The following ADARB2 variants were observed in gnomAD, a reference collection of about 807,000 sequenced individuals.
ADARB2 encodes adenosine deaminase RNA specific B2 (inactive).
Under a neutral mutation model 62.2 loss-of-function variants are expected in ADARB2, and 25 were observed. The ratio of observed to expected loss-of-function variants is 0.40; its 90% CI spans 0.29 to 0.56. ADARB2 has a LOEUF of 0.56. Ranked by LOEUF, ADARB2 falls within the 20% of genes least tolerant of loss-of-function variation. The pLI, the probability that ADARB2 is intolerant of heterozygous loss-of-function variation, is 0.43. For missense variants in ADARB2, 1,071 were observed against 1,077.4 expected (o/e 0.99, Z 0.08); for synonymous variants, 572 against 500.8 (o/e 1.14, Z -1.90).
intron 1 of ADARB2, among the ~76,000 whole-genome samples, chr10:1,662,450 C>T (rs977433895): frequency 3.9e-5 from 6 of 152,198 alleles, no homozygotes; most frequent in Admixed American, 3.9e-4. Flanking sequence ...GACCTGCCTG[C>T]TCTTGGTTCC....
intron 1 of ADARB2, among the ~76,000 whole-genome samples, chr10:1,590,874 G>A (rs1192216011): frequency 6.6e-6 from 1 of 152,144 alleles, no homozygotes; most frequent in South Asian, 2.1e-4. Context: ...TGCTGCAGGA[G>A]CTGTGATGAG....
chr10:1,492,944 C>A (rs969622616), intron 1 of ADARB2, among the ~76,000 whole-genome samples: 1 of 152,156 alleles, frequency 6.6e-6, no homozygotes, highest in Non-Finnish European at 1.5e-5. Flanking sequence ...AGCATCTAAT[C>A]CCCACGCACT....
rs148852353 is a variant in ADARB2, at chr10:1,184,870, C to T, written c.2034G>A (p.Leu678=). Residue 678 remains leucine (L), a synonymous_variant, in exon 9 of 10, where the codon CTG becomes CTA. Coordinates refer to ENST00000381312, the MANE Select transcript of ADARB2 (RefSeq NM_018702.4). ...KHVLSARWAR[L]YGRLSTRTPS... is the part of the protein sequence containing the mutation. ...GATGGGTGCGACCTACCCTGCCATA[C>T]AGCCGCGCCCACCGTGCAGACAGCA... is the stretch of plus-strand genomic sequence containing the variant. 2 of 1,613,040 alleles carry T rather than the reference C, an allele frequency of 1.2e-6. No individual in the cohort carries two copies. Among genetic ancestry groups the T allele is most frequent in the Non-Finnish European group, 1.7e-6 (2 of 1,179,688 alleles).
Position 1,270,999 on chromosome 10 carries a change from A to G in ADARB2, c.1148T>C (p.Met383Thr), listed in dbSNP as rs762899628. 1.2e-6 allele frequency: 2 copies of G among 1,613,288 alleles called. No individual in the cohort carries two copies. The highest frequency in any genetic ancestry group is 2.2e-5 in the East Asian group (1 of 44,832). The change falls in exon 4 of 10, where the codon ATG (methionine) becomes ACG (threonine). Residue 383 changes from methionine to threonine, a missense_variant. By Grantham distance (81) the Met-to-Thr change is moderately conservative. Coordinates refer to ENST00000381312, the MANE Select transcript of ADARB2 (RefSeq NM_018702.4). ...TGCCAGCGCTTTATGGCGGGCGTGC[A>G]TGGGCGTGAGGTCCGTCGTCACCTC... ...FREVTTDLTP[M>T]HARHKALAGI...
At chr10:1,349,052 C>G (rs564977630) in intron 3 of ADARB2, among the ~76,000 whole-genome samples, 20 of 152,172 alleles carry the variant, frequency 1.3e-4, no homozygotes, top group Non-Finnish European at 2.4e-4. Context: ...CCATCATATC[C>G]CCTGTGACCT....
intron 1 of ADARB2, among the ~76,000 whole-genome samples, chr10:1,672,644 G>C (rs113577718): frequency 7.2e-5 from 4 of 55,656 alleles, no homozygotes; most frequent in South Asian, 7.7e-4. Context: ...CCTCCTCCTT[G>C]CAGGCCCCGC....
chr10:1,681,674 G>A (rs1588350780), intron 1 of ADARB2, among the ~76,000 whole-genome samples: 1 of 152,130 alleles, frequency 6.6e-6, no homozygotes, highest in East Asian at 1.9e-4. Context: ...ATCCTCCAGT[G>A]AGCAGAGCTC....
chr10:1,593,523 G>A lies in ADARB2; in HGVS notation c.100+143528C>T, dbSNP rs148807266. On this transcript the variant is annotated intron_variant, in intron 1 of 9. Coordinates refer to ENST00000381312, the MANE Select transcript of ADARB2 (RefSeq NM_018702.4). ...AGGTGACTGGTAATTAGAAATACAA[G>A]CAATGACAATTTTTTAAAATTTAAA... Among the ~76,000 whole-genome samples the A allele has an allele frequency of 3.6e-3, 543 of 152,344 alleles. 2 individuals carry two copies. The highest frequency in any genetic ancestry group is 0.013 in the African/African-American group (522 of 41,578).
intron 3 of ADARB2, among the ~76,000 whole-genome samples, chr10:1,299,789 G>T (rs1001804070): frequency 6.6e-6 from 1 of 152,188 alleles, no homozygotes; most frequent in Non-Finnish European, 1.5e-5. Flanking sequence ...TTTGGTTTGG[G>T]CTCCTGGGCA....
intron 2 of ADARB2, among the ~76,000 whole-genome samples, chr10:1,376,021 C>T (rs1365374609): frequency 1.3e-5 from 2 of 151,912 alleles, no homozygotes; most frequent in Non-Finnish European, 2.9e-5. Context: ...CGTGAACTCA[C>T]ACACCCCACA....
rs985010473 is a variant in ADARB2, at chr10:1,363,888, G to A, written c.217C>T (p.Arg73Cys). The change falls in exon 3 of 10, where the codon CGC becomes TGC. Residue 73 changes from arginine (R) to cysteine (C), a missense_variant. Coordinates refer to ENST00000381312, the MANE Select transcript of ADARB2 (RefSeq NM_018702.4). ...STSSAEVKEN[R>C]NVGNLAARPP... The stretch of plus-strand genomic sequence containing the variant: ...CGCGCGGCCAGGTTGCCCACGTTGC[G>A]GTTCTCCTTCACCTCCGCGCTGCTG... The A allele has an allele frequency of 2.7e-6, 4 of 1,489,556 alleles. No individual in the cohort carries two copies. The highest frequency in any genetic ancestry group is 2.5e-5 in the East Asian group (1 of 40,274). The allele number at this position is 1,489,556 out of a possible 1,614,324, so 92.3% of individuals were successfully genotyped here.
chr10:1,505,324 C>T (rs1446905243), intron 1 of ADARB2, among the ~76,000 whole-genome samples: 1 of 151,892 alleles, frequency 6.6e-6, no homozygotes, highest in Admixed American at 6.5e-5. Flanking sequence ...GATGATGACG[C>T]TGAGGAAGAT....
chr10:1,635,226 T>A (rs1233687991), intron 1 of ADARB2, among the ~76,000 whole-genome samples: 2 of 152,214 alleles, frequency 1.3e-5, no homozygotes, highest in African/African-American at 4.8e-5. Context: ...ATGATCACCT[T>A]CCTTCATTAT....
intron 1 of ADARB2, among the ~76,000 whole-genome samples, chr10:1,680,300 ACT>A (rs1834520392): frequency 6.6e-6 from 1 of 151,520 alleles, no homozygotes; most frequent in African/African-American, 2.4e-5. Context: ...CATCATCCAT[ACT>A]CTGTTCCTGA....
At position 1,697,153 on chromosome 10, in the gene ADARB2, G is replaced by A. The variant is rs867997121; in HGVS notation, c.100+39898C>T. Among the ~76,000 whole-genome samples the A allele has an allele frequency of 1.1e-4, 17 of 152,050 alleles. 1 individual carries two copies. Among genetic ancestry groups the A allele is most frequent in the Middle Eastern group, 6.8e-3 (2 of 294 alleles). On this transcript the variant is annotated intron_variant, in intron 1 of 9. Transcript: ENST00000381312. ...CTGCTCATCTGGGTGGGGGCTGCTC[G>A]GGCCTCTGTGTGCGAACACTGCTGT...
intron 3 of ADARB2, among the ~76,000 whole-genome samples, chr10:1,308,893 T>C (rs1007147): frequency 0.44 from 67,027 of 152,120 alleles, 16,350 homozygotes; most frequent in South Asian, 0.69. Context: ...GGAAAAGTGT[T>C]GGAGAAGTGG....
At chr10:1,632,476 C>T (rs1452017604) in intron 1 of ADARB2, among the ~76,000 whole-genome samples, 1 of 152,270 alleles carries the variant, frequency 6.6e-6, no homozygotes, top group Non-Finnish European at 1.5e-5. Context: ...CACATGCACA[C>T]ACACTGGATA....
intron 1 of ADARB2, among the ~76,000 whole-genome samples, chr10:1,623,062 G>T (rs143258840): frequency 6.6e-6 from 1 of 152,284 alleles, no homozygotes; most frequent in Non-Finnish European, 1.5e-5. Context: ...CTGAGCAGGA[G>T]TTGGAAGGAA....
chr10:1,382,393 AG>A (rs1253717730), intron 1 of ADARB2, among the ~76,000 whole-genome samples: 2 of 152,248 alleles, frequency 1.3e-5, no homozygotes, highest in Non-Finnish European at 2.9e-5. Context: ...ATCACCGTGA[AG>A]GCACATAAGC....
Sources: gnomAD v4.1 joint callset for allele counts (sites outside exome capture counted in the v4.1 genomes callset) on GRCh38, gnomAD v4.1.1 for gene constraint, MANE v1.5 for transcripts, NCBI Gene and HGNC (gene_info 2026-07-23, HGNC 2026-07-21) for gene names.